GLYATL1: variants seen among roughly 807,000 people sequenced by gnomAD.
The protein encoded by GLYATL1 is glycine N-acyltransferase-like protein 1.
In GLYATL1, 15 loss-of-function variants were observed where a neutral mutation model predicts 20.0. That is an observed-to-expected ratio of 0.75 (90% CI 0.50 to 1.15). The LOEUF (loss-of-function observed/expected upper bound fraction) is 1.15. Among genes scored for constraint, GLYATL1 ranks in the 50% most tolerant of loss-of-function variants. GLYATL1 has a pLI of 0.00. For synonymous variants in GLYATL1, 151 were observed against 131.5 expected (o/e 1.15, Z -1.01); for missense variants, 380 against 368.5 (o/e 1.03, Z -0.26).
In GLYATL1 at chr11:58,955,705, A is replaced by G. The variant is rs534702097; in HGVS notation, c.587A>G (p.His196Arg). ...CGAGGGAAGAATGAGAGGAGCCTGC[A>G]TTACATCAAGCGCTGCATAGAAGAC... is the stretch of plus-strand genomic sequence containing the variant. Reference protein sequence around the residue: ...WKRGKNERSLHYIKRCIEDLP... With the variant: ...WKRGKNERSLRYIKRCIEDLP... Residue 196 changes from histidine to arginine, a missense_variant, in exon 7 of 7, where the codon CAT becomes CGT. Coordinates refer to ENST00000532726, the MANE Select transcript of GLYATL1 (RefSeq NM_001389712.2). The G allele has an allele frequency of 1.9e-6, 3 of 1,614,178 alleles. No homozygotes were observed. Among genetic ancestry groups the G allele is most frequent in the African/African-American group, 1.3e-5 (1 of 75,034 alleles).
intron 1 of GLYATL1, among the ~76,000 whole-genome samples, chr11:58,942,308 T>G (rs1856215577): frequency 6.6e-6 from 1 of 152,168 alleles, no homozygotes; most frequent in Non-Finnish European, 1.5e-5. Context: ...ACCCTCTGCT[T>G]CAGAAGAAAG....
At chr11:58,953,679 CT>C (rs1857174722) in intron 4 of GLYATL1, among the ~76,000 whole-genome samples, 2 of 152,026 alleles carry the variant, frequency 1.3e-5, no homozygotes, top group South Asian at 4.1e-4. Context: ...AAAATCAGGT[CT>C]TTTAAAACAT....
intron 1 of GLYATL1, among the ~76,000 whole-genome samples, chr11:58,919,589 G>T (rs149582725): frequency 6.6e-6 from 1 of 152,002 alleles, no homozygotes; most frequent in Non-Finnish European, 1.5e-5. Flanking sequence ...GTTACCTCTC[G>T]TTTCTTCTCT....
In GLYATL1 at chr11:58,947,169, A is replaced by G; in HGVS notation, c.78+4A>G. 1 of 1,613,758 alleles carries G rather than the reference A, an allele frequency of 6.2e-7. No homozygotes were observed. On this transcript the variant is annotated splice_donor_region_variant and intron_variant, in intron 3 of 6. Coordinates refer to ENST00000532726, the MANE Select transcript of GLYATL1 (RefSeq NM_001389712.2). ...GAGCATCCCTGAGTCCCTGAAGGTC[A>G]GGGAACAGTGGGAGGTCAGGGTATG... is the stretch of plus-strand genomic sequence containing the variant.
At chr11:58,948,356 G>C (rs1447495700) in intron 4 of GLYATL1, among the ~76,000 whole-genome samples, 1 of 152,142 alleles carries the variant, frequency 6.6e-6, no homozygotes, top group Non-Finnish European at 1.5e-5. Flanking sequence ...TTACCTCTCA[G>C]GGCCAGGCAT....
chr11:58,956,149 T>C lies in GLYATL1; in HGVS notation c.*122T>C. On this transcript the variant is annotated 3_prime_UTR_variant, in exon 7 of 7. Transcript: ENST00000532726. The stretch of plus-strand genomic sequence containing the variant: ...ACTTATAATACAGCAGGAACTCTTC[T>C]CACCTGGAGCCTTGATGTTAAAAGA... 1 of 843,622 alleles carries C rather than the reference T, an allele frequency of 1.2e-6. No individual in the cohort carries two copies. The highest frequency in any genetic ancestry group is 1.8e-6 in the Non-Finnish European group (1 of 544,440). The allele number at this position is 843,622 out of a possible 1,614,324, so 52.3% of individuals were successfully genotyped here.
intron 3 of GLYATL1, 39 bp from the exon 4 acceptor site, chr11:58,947,819 G>A: frequency 7.4e-7 from 1 of 1,358,446 alleles, no homozygotes; most frequent in Non-Finnish European, 1.1e-6. Context: ...CATCTCTGGG[G>A]ATCTCAACCT....
upstream of GLYATL1, among the ~76,000 whole-genome samples, chr11:58,925,159 C>T (rs1198223205): frequency 2.6e-5 from 4 of 152,054 alleles, no homozygotes; most frequent in Non-Finnish European, 4.4e-5. Context: ...AGGGGTGGTA[C>T]CTGTGCTAAG....
upstream of GLYATL1, among the ~76,000 whole-genome samples, chr11:58,938,286 C>G (rs998260228): frequency 2.0e-5 from 3 of 152,238 alleles, no homozygotes; most frequent in Middle Eastern, 3.4e-3. Context: ...AAAGTGGGGC[C>G]ATGCCTAAAT....
At chr11:58,931,982 T>G (rs143127934) in intron 1 of GLYATL1, among the ~76,000 whole-genome samples, 9 of 151,622 alleles carry the variant, frequency 5.9e-5, no homozygotes, top group African/African-American at 2.2e-4. Context: ...CGTGGTGGCA[T>G]GCACCTGTAG....
At chr11:58,925,582 C>T (rs1443344070), upstream of GLYATL1, among the ~76,000 whole-genome samples, 1 of 151,748 alleles carries the variant, frequency 6.6e-6, no homozygotes, top group South Asian at 2.1e-4. Context: ...CATTCTTTCC[C>T]TTTATTTCTC....
intron 1 of GLYATL1, among the ~76,000 whole-genome samples, chr11:58,915,047 T>C (rs987190296): frequency 1.3e-5 from 2 of 152,216 alleles, no homozygotes; most frequent in Non-Finnish European, 2.9e-5. Flanking sequence ...GTCCTGGCCC[T>C]TAGTCATTTC....
intron 1 of GLYATL1, among the ~76,000 whole-genome samples, chr11:58,906,821 C>A (rs550562950): frequency 1.3e-5 from 2 of 152,150 alleles, no homozygotes; most frequent in Non-Finnish European, 2.9e-5. Context: ...GCATTGAGGT[C>A]ATTCTGTGGC....
At position 58,945,047 on chromosome 11, in the gene GLYATL1, G is replaced by GTATATA. The variant is rs35054821; in HGVS notation, c.-43+1390_-43+1395dup. Among the ~76,000 whole-genome samples the GTATATA allele has an allele frequency of 5.5e-5, 8 of 144,524 alleles. No homozygotes were observed. In the East Asian group the frequency reaches 6.0e-4, roughly 11 times the overall value. 94.8% of individuals were successfully genotyped at this position (144,524 alleles called of 152,430 possible). On this transcript the variant is annotated intron_variant, in intron 2 of 6. Coordinates refer to ENST00000532726, the MANE Select transcript of GLYATL1 (RefSeq NM_001389712.2). ...TAAAATATATATATTATATATAGGG[G>GTATATA]TATATATATATATACCCCTAGCCAG...
chr11:58,915,912 A>G (rs1457022260), intron 1 of GLYATL1, among the ~76,000 whole-genome samples: 1 of 116,464 alleles, frequency 8.6e-6, no homozygotes. Flanking sequence ...CTCACTCTAG[A>G]GGGAAACGAA....
chr11:58,956,132 T>A lies in GLYATL1; in HGVS notation c.*105T>A. 1.0e-6 allele frequency: 1 copy of A among 985,726 alleles called. No individual in the cohort carries two copies. Among genetic ancestry groups the A allele is most frequent in the Non-Finnish European group, 1.5e-6 (1 of 658,818 alleles). The allele number at this position is 985,726 out of a possible 1,614,324, so 61.1% of individuals were successfully genotyped here. ...ACAAATGCATATTGGGCACTTATAA[T>A]ACAGCAGGAACTCTTCTCACCTGGA... On this transcript the variant is annotated 3_prime_UTR_variant, in exon 7 of 7. Coordinates refer to ENST00000532726, the MANE Select transcript of GLYATL1 (RefSeq NM_001389712.2).
rs189432255 is a variant in GLYATL1 at position 58,929,098 on chromosome 11, A to C, written c.-212+1269A>C. 1.2e-3 allele frequency among the ~76,000 whole-genome samples: 185 copies of C among 152,332 alleles called. 1 individual carries two copies. Among genetic ancestry groups the C allele is most frequent in the African/African-American group, 4.3e-3 (177 of 41,572 alleles). ...ATAACTTTCCCTAATATTTTCCTTTAATACTTCTGCCACCATCCTGTGTGA... is the reference window on the plus strand; with the variant it reads ...ATAACTTTCCCTAATATTTTCCTTTCATACTTCTGCCACCATCCTGTGTGA... On this transcript the variant is annotated intron_variant, in intron 1 of 7. Transcript: ENST00000317391.
At chr11:58,925,665 G>A (rs1257886691), upstream of GLYATL1, among the ~76,000 whole-genome samples, 1 of 152,010 alleles carries the variant, frequency 6.6e-6, no homozygotes, top group African/African-American at 2.4e-5. Context: ...ATTTATTACT[G>A]TTCACATTTT....
chr11:58,942,894 G>C (rs1325231492), intron 1 of GLYATL1, among the ~76,000 whole-genome samples: 1 of 152,248 alleles, frequency 6.6e-6, no homozygotes, highest in East Asian at 1.9e-4. Flanking sequence ...GAAAAAACAA[G>C]AGAGTGTGTT....
Sources: gnomAD v4.1 joint callset for allele counts (sites outside exome capture counted in the v4.1 genomes callset) on GRCh38, gnomAD v4.1.1 for gene constraint, MANE v1.5 for transcripts, NCBI Gene and HGNC (gene_info 2026-07-23, HGNC 2026-07-21) for gene names.